Variants in BTBD8 observed in about 807,000 individuals in gnomAD.
BTBD8 encodes BTB domain containing 8.
Under a neutral mutation model 162.9 loss-of-function variants are expected in BTBD8, and 110 were observed. That is an observed-to-expected ratio of 0.68 (90% confidence interval 0.58 to 0.79). The LOEUF is 0.79. BTBD8 is among the 30% of genes least tolerant of loss of function. BTBD8 has a pLI of 0.00. For synonymous variants in BTBD8, 667 were observed against 716.1 expected, an observed-to-expected ratio of 0.93 and a Z score of 1.10; for missense variants, 1,905 against 2,085.4, an observed-to-expected ratio of 0.91 and a Z score of 1.68.
chr1:92,099,808 A>G (rs1570717943), intron 2 of BTBD8, among the ~76,000 whole-genome samples: 2 of 152,328 alleles, frequency 1.3e-5, no homozygotes, highest in East Asian at 1.9e-4. Context: ...TTTGTCATCT[A>G]TAAATAAAGA....
At chr1:92,102,792 C>G (rs1386131254) in intron 3 of BTBD8, 123 bp downstream of exon 3, 1 of 865,038 alleles carries the variant, frequency 1.2e-6, no homozygotes, top group African/African-American at 1.8e-5. Context: ...GCATGGAGAA[C>G]TGAAAACACT....
chr1:92,157,475 T>C (rs1284288349), intron 9 of BTBD8, among the ~76,000 whole-genome samples: 1 of 152,172 alleles, frequency 6.6e-6, no homozygotes, highest in African/African-American at 2.4e-5. Context: ...TGATTTTCTG[T>C]CTGATGTATT....
chr1:92,109,247 GTTTTC>G (rs1200991676), intron 4 of BTBD8, among the ~76,000 whole-genome samples: 1 of 141,554 alleles, frequency 7.1e-6, no homozygotes, highest in African/African-American at 2.6e-5. Context: ...TCTCTGTCTT[GTTTTC>G]TTTTTTTTTT....
chr1:92,112,610 T>C (rs1648929097), intron 4 of BTBD8, among the ~76,000 whole-genome samples: 1 of 152,180 alleles, frequency 6.6e-6, no homozygotes, highest in Non-Finnish European at 1.5e-5. Context: ...TTCAATTAAC[T>C]AAACAACTAT....
chr1:92,126,608 T>C, intron 4 of BTBD8: 1 of 374,598 alleles, frequency 2.7e-6, no homozygotes, highest in Non-Finnish European at 5.2e-6. Flanking sequence ...TTGCACTTAT[T>C]GTACGGTTTT....
intron 2 of BTBD8, among the ~76,000 whole-genome samples, chr1:92,098,045 A>T (rs936644075): frequency 1.3e-5 from 2 of 152,176 alleles, no homozygotes; most frequent in African/African-American, 4.8e-5. Flanking sequence ...TTAATTGGGA[A>T]TTGGTCACGT....
chr1:92,115,623 T>G (rs1649018612), intron 4 of BTBD8: 2 of 388,400 alleles, frequency 5.1e-6, no homozygotes, highest in African/African-American at 2.1e-5. Context: ...GTTTTCAGCC[T>G]TGACGATGCC....
chr1:92,105,757 TCAGAAC>T (rs1648710418), intron 3 of BTBD8, among the ~76,000 whole-genome samples: 7 of 152,300 alleles, frequency 4.6e-5, no homozygotes, highest in African/African-American at 1.7e-4. Flanking sequence ...CATGCAGCAC[TCAGAAC>T]CAGAAGAGGT....
chr1:92,137,087 G>C (rs1043542926), intron 5 of BTBD8, among the ~76,000 whole-genome samples: 1 of 152,136 alleles, frequency 6.6e-6, no homozygotes, highest in Non-Finnish European at 1.5e-5. Context: ...GTATAAGGAA[G>C]TGTAAGTAGC....
chr1:92,133,276 T>G (rs912062917), intron 5 of BTBD8, among the ~76,000 whole-genome samples: 2 of 152,198 alleles, frequency 1.3e-5, no homozygotes, highest in Admixed American at 1.3e-4. Flanking sequence ...ATTCCTTAAC[T>G]TTCCTGAGCT....
At chr1:92,183,732 A>G (rs1650989303) in intron 17 of BTBD8, 132 bp from the exon 18 acceptor site, 1 of 645,262 alleles carries the variant, frequency 1.5e-6, no homozygotes, top group East Asian at 2.8e-5. Flanking sequence ...AATTTTGTAT[A>G]GAAGTTATTT....
chr1:92,109,420 A>C lies in BTBD8; in HGVS notation c.662+1419A>C, dbSNP rs565930723. Among the ~76,000 whole-genome samples, 16 of 152,164 alleles carry C rather than the reference A, an allele frequency of 1.1e-4. 1 individual carries two copies. The highest frequency in any genetic ancestry group is 2.2e-4 in the Non-Finnish European group (15 of 68,028). On this transcript the variant is annotated intron_variant, in intron 4 of 17. Transcript: ENST00000636805. ...CTGTGACCATTTCCAATATGTCCTC[A>C]AACAGTGCCTATATTTGGCCTCTCC...
At position 92,182,460 on chromosome 1, in the gene BTBD8, C is replaced by A; in HGVS notation, c.4777C>A (p.Pro1593Thr). 1 of 1,551,620 alleles carries A rather than the reference C, an allele frequency of 6.4e-7. No homozygotes were observed. Among genetic ancestry groups the A allele is most frequent in the Non-Finnish European group, 8.7e-7 (1 of 1,146,884 alleles). ...TCACTTGGATCTTCATCAAAGAGAACCCAATTCTGACATACCAAAGAACAG... is the reference window on the plus strand; with the variant it reads ...TCACTTGGATCTTCATCAAAGAGAAACCAATTCTGACATACCAAAGAACAG... The part of the protein sequence containing the change: ...PCHLDLHQRE[P>T]NSDIPKNSST... Residue 1593 changes from proline (P) to threonine (T), a missense_variant, in exon 17 of 18, where the codon CCC (proline) becomes ACC (threonine). Physicochemically the swap from Pro to Thr is conservative, Grantham distance 38. Transcript: ENST00000636805.
At chr1:92,123,702 G>A (rs1280391065) in intron 4 of BTBD8, among the ~76,000 whole-genome samples, 3 of 150,696 alleles carry the variant, frequency 2.0e-5, no homozygotes, top group Admixed American at 6.6e-5. Context: ...GCGTGAACCC[G>A]GGAGGTGGAG....
At chr1:92,087,856 G>A (rs565811581) in intron 1 of BTBD8, among the ~76,000 whole-genome samples, 7 of 152,146 alleles carry the variant, frequency 4.6e-5, no homozygotes, top group Non-Finnish European at 8.8e-5. Context: ...AGTCCTCTGA[G>A]AATGCATACC....
rs1648614149 is a variant in BTBD8, at chr1:92,102,497, CAT to C, written c.374_375del (p.Ile125LysfsTer4). The C allele has an allele frequency of 6.5e-7, 1 of 1,533,446 alleles. No individual in the cohort carries two copies. The highest frequency in any genetic ancestry group is 1.3e-5 in the South Asian group (1 of 76,372). 95.0% of individuals were successfully genotyped at this position (1,533,446 alleles called of 1,614,324 possible). A position where few individuals can be genotyped will look rare whatever the true frequency, so the allele number is the denominator to read the frequency against. ...GGATTATATATTCATCAAACAGAAA[CAT>C]AAAAAACTATGAAGAGGAAATTCTT... ...LQIIYSSNRN[I>X]KNYEEEILRK... On this transcript the variant is annotated frameshift_variant, in exon 3 of 18. Coordinates refer to ENST00000636805, the MANE Select transcript of BTBD8 (RefSeq NM_001376131.1). LOFTEE classifies it high-confidence loss of function.
intron 9 of BTBD8, chr1:92,150,523 A>G (rs1204835268): frequency 6.6e-6 from 1 of 152,220 alleles, no homozygotes; most frequent in African/African-American, 2.4e-5. Context: ...ATATATTTGT[A>G]TGGTCACCAT....
Position 92,178,344 on chromosome 1 carries a change from G to A in BTBD8, c.2474G>A (p.Ser825Asn). Reference protein sequence around the residue: ...VLKKVSGKGCSEPVPQAILKK... With the variant: ...VLKKVSGKGCNEPVPQAILKK... ...AAGAAAGTCAGTGGCAAAGGATGTA[G>A]TGAGCCAGTACCACAGGCAATTTTG... The change falls in exon 16 of 18, where the codon AGT becomes AAT. Residue 825 changes from serine (S) to asparagine (N), a missense_variant. Ser to Asn is a conservative substitution (Grantham distance 46). Coordinates refer to ENST00000636805, the MANE Select transcript of BTBD8 (RefSeq NM_001376131.1). The A allele has an allele frequency of 6.4e-7, 1 of 1,551,410 alleles. No individual in the cohort carries two copies. Among genetic ancestry groups the A allele is most frequent in the East Asian group, 2.4e-5 (1 of 40,898 alleles).
intron 5 of BTBD8, among the ~76,000 whole-genome samples, chr1:92,138,209 A>G (rs1190922791): frequency 6.6e-6 from 1 of 152,198 alleles, no homozygotes; most frequent in African/African-American, 2.4e-5. Context: ...GCCCCCCACA[A>G]CTTGACTCTG....
Sources: gnomAD v4.1 joint callset for allele counts (sites outside exome capture counted in the v4.1 genomes callset) on GRCh38, gnomAD v4.1.1 for gene constraint, MANE v1.5 for transcripts, NCBI Gene and HGNC (gene_info 2026-07-23, HGNC 2026-07-21) for gene names.